FAM76A: variants seen among roughly 807,000 people sequenced by gnomAD.
FAM76A encodes the protein protein FAM76A.
A neutral mutation model predicts 46.2 loss-of-function variants in FAM76A; 32 were observed. The ratio of observed to expected loss-of-function variants is 0.69; its 90% CI spans 0.52 to 0.93. The LOEUF is 0.93. Ranked by LOEUF, FAM76A falls within the 40% of genes least tolerant of loss-of-function variation. FAM76A has a pLI of 0.00. For missense variants in FAM76A, 274 were observed against 361.5 expected, an observed-to-expected ratio of 0.76 and a Z score of 1.96; for synonymous variants, 137 against 127.0, an observed-to-expected ratio of 1.08 and a Z score of -0.53.
Position 27,744,756 on chromosome 1 carries a change from G to T in FAM76A, c.457G>T (p.Gly153Cys). 1.9e-6 allele frequency: 3 copies of T among 1,614,122 alleles called. No homozygotes were observed. Among genetic ancestry groups the T allele is most frequent in the South Asian group, 1.1e-5 (1 of 91,078 alleles). ...RKHLSSSSRA[G>C]HQEKEQYSRL... ...ACACCTGAGTAGCTCTTCTCGTGCT[G>T]GCCACCAGGAGAAGGAGCAGTATAG... Residue 153 changes from glycine to cysteine, a missense_variant, in exon 5 of 9, where the codon GGC becomes TGC. Gly to Cys is a radical substitution (Grantham distance 159, BLOSUM62 -3). Transcript: ENST00000373954.
intron 3 of FAM76A, among the ~76,000 whole-genome samples, chr1:27,733,584 AC>A (rs1464407156): frequency 6.6e-6 from 1 of 152,042 alleles, no homozygotes. Context: ...GTGGTGGCTC[AC>A]ACCTATAATC....
rs761508984 is a variant in FAM76A at position 27,734,125 on chromosome 1, A to AT, written c.298dup (p.Ser100PhefsTer3). ...TCAGAAAAGAAGTATGGACCACCCT[A>AT]TTCTTGTGAACAGTGCAAGCAGCAG... is the stretch of plus-strand genomic sequence containing the variant. On this transcript the variant is annotated frameshift_variant, in exon 4 of 9. Transcript: ENST00000373954. LOFTEE classifies it high-confidence loss of function. 14 of 1,612,858 alleles carry AT rather than the reference A, an allele frequency of 8.7e-6. No homozygotes were observed.
chr1:27,743,054 ACT>A (rs1208468288), intron 4 of FAM76A, among the ~76,000 whole-genome samples: 1 of 152,108 alleles, frequency 6.6e-6, no homozygotes, highest in Non-Finnish European at 1.5e-5. Flanking sequence ...ACACAGCAAG[ACT>A]CTGTCTCAAA....
chr1:27,732,389 C>T (rs1440424967), intron 2 of FAM76A, among the ~76,000 whole-genome samples: 1 of 152,124 alleles, frequency 6.6e-6, no homozygotes, highest in East Asian at 1.9e-4. Flanking sequence ...GATTGCACCA[C>T]TGCACTCCAG....
intron 4 of FAM76A, among the ~76,000 whole-genome samples, chr1:27,742,935 C>T (rs554516912): frequency 1.4e-4 from 21 of 152,058 alleles, no homozygotes; most frequent in Non-Finnish European, 2.1e-4. Flanking sequence ...TGATGGCAGG[C>T]GCTTGTAATC....
intron 6 of FAM76A, among the ~76,000 whole-genome samples, chr1:27,753,296 A>G (rs1445192927): frequency 6.6e-6 from 1 of 152,202 alleles, no homozygotes; most frequent in Non-Finnish European, 1.5e-5. Flanking sequence ...AGAAGCAGGA[A>G]GGGTAGGGCA....
At chr1:27,758,405 T>C in intron 7 of FAM76A, among the ~76,000 whole-genome samples, 1 of 152,240 alleles carries the variant, frequency 6.6e-6, no homozygotes, top group Non-Finnish European at 1.5e-5. Flanking sequence ...ATTCTCTCCA[T>C]GGACTAGATC....
At chr1:27,744,095 A>G (rs562281391) in intron 4 of FAM76A, among the ~76,000 whole-genome samples, 1 of 152,302 alleles carries the variant, frequency 6.6e-6, no homozygotes, top group Non-Finnish European at 1.5e-5. Flanking sequence ...ACAAAAATAC[A>G]TAAAATTAGC....
At chr1:27,751,958 C>T (rs556171297) in intron 6 of FAM76A, among the ~76,000 whole-genome samples, 80 of 152,254 alleles carry the variant, frequency 5.3e-4, no homozygotes, top group African/African-American at 1.7e-3. Context: ...CACATGCCTC[C>T]ACACTCGGCT....
In FAM76A at chr1:27,746,851, A is replaced by G. The variant is rs905292361; in HGVS notation, c.512+2040A>G. 2.8e-4 allele frequency among the ~76,000 whole-genome samples: 42 copies of G among 152,108 alleles called. 1 individual carries two copies. The highest frequency in any genetic ancestry group is 9.4e-4 in the African/African-American group (39 of 41,412). On this transcript the variant is annotated intron_variant, in intron 5 of 8. Transcript: ENST00000373954. Reference sequence around the variant, plus strand: ...CAACGCTCTGGGAGGCCGAGGTGGGAGGGTTGCTTGATGCCAGGAGTTTGA... The same window carrying G: ...CAACGCTCTGGGAGGCCGAGGTGGGGGGGTTGCTTGATGCCAGGAGTTTGA...
At chr1:27,736,221 C>T (rs2088041757) in intron 4 of FAM76A, among the ~76,000 whole-genome samples, 1 of 152,074 alleles carries the variant, frequency 6.6e-6, no homozygotes, top group South Asian at 2.1e-4. Context: ...ACTTGGGAGG[C>T]TGAAGCAGGA....
At chr1:27,752,697 C>T (rs2088350667) in intron 6 of FAM76A, among the ~76,000 whole-genome samples, 1 of 152,210 alleles carries the variant, frequency 6.6e-6, no homozygotes, top group African/African-American at 2.4e-5. Context: ...GGTTTTGGCT[C>T]AACCCAAGAA....
intron 7 of FAM76A, among the ~76,000 whole-genome samples, chr1:27,757,786 C>T (rs1313055009): frequency 2.0e-5 from 3 of 152,102 alleles, no homozygotes; most frequent in Non-Finnish European, 4.4e-5. Flanking sequence ...ACCATCCTGG[C>T]TAACACGGTG....
chr1:27,730,918 C>T (rs2087946043), intron 2 of FAM76A, among the ~76,000 whole-genome samples: 1 of 152,038 alleles, frequency 6.6e-6, no homozygotes, highest in Non-Finnish European at 1.5e-5. Context: ...CAGGCTGAGC[C>T]TCCTAAAGTG....
Position 27,734,120 on chromosome 1 carries a change from A to G in FAM76A, c.291A>G (p.Pro97=). ...RCTNSEKKYG[P]PYSCEQCKQQ... is the part of the protein sequence containing the mutation. ...CAAATTCAGAAAAGAAGTATGGACC[A>G]CCCTATTCTTGTGAACAGTGCAAGC... Residue 97 remains proline, a synonymous_variant, in exon 4 of 9, where the codon CCA becomes CCG. Transcript: ENST00000373954. The G allele has an allele frequency of 6.2e-7, 1 of 1,613,042 alleles. No homozygotes were observed. Among genetic ancestry groups the G allele is most frequent in the Non-Finnish European group, 8.5e-7 (1 of 1,179,812 alleles).
intron 4 of FAM76A, among the ~76,000 whole-genome samples, chr1:27,737,885 A>G (rs1449390944): frequency 6.7e-6 from 1 of 150,156 alleles, no homozygotes; most frequent in Non-Finnish European, 1.5e-5. Flanking sequence ...AAAAAAAAAA[A>G]AAAAAAACAG....
chr1:27,755,224 C>T lies in FAM76A; in HGVS notation c.629C>T (p.Pro210Leu). 1 of 1,614,154 alleles carries T rather than the reference C, an allele frequency of 6.2e-7. No individual in the cohort carries two copies. The highest frequency in any genetic ancestry group is 8.5e-7 in the Non-Finnish European group (1 of 1,180,016). ...SFSPDLALDSPGTDHFVIIAQ... is the reference protein window; with the variant it reads ...SFSPDLALDSLGTDHFVIIAQ... ...TCCCCAGACCTGGCTCTGGACTCAC[C>T]AGGCACTGACCACTTTGTCATCATT... Residue 210 changes from proline to leucine, a missense_variant, in exon 7 of 9, where the codon CCA (proline) becomes CTA (leucine). Physicochemically the swap from Pro to Leu is moderately conservative, Grantham distance 98. Coordinates refer to ENST00000373954, the MANE Select transcript of FAM76A (RefSeq NM_152660.3).
intron 6 of FAM76A, among the ~76,000 whole-genome samples, chr1:27,754,803 A>C (rs1006450835): frequency 6.6e-6 from 1 of 152,206 alleles, no homozygotes; most frequent in Admixed American, 6.5e-5. Flanking sequence ...ATGAGCTCAC[A>C]GTTTATAATT....
chr1:27,737,137 C>T (rs2088062075), intron 4 of FAM76A, among the ~76,000 whole-genome samples: 1 of 151,926 alleles, frequency 6.6e-6, no homozygotes, highest in Non-Finnish European at 1.5e-5. Flanking sequence ...TTAGTAGAGG[C>T]AGGGTTTCTC....
Sources: gnomAD v4.1 joint callset for allele counts (sites outside exome capture counted in the v4.1 genomes callset) on GRCh38, gnomAD v4.1.1 for gene constraint, MANE v1.5 for transcripts, NCBI Gene and HGNC (gene_info 2026-07-23, HGNC 2026-07-21) for gene names.